Variants in IP6K1 observed in about 807,000 individuals in gnomAD.
IP6K1 encodes ATP:1D-myo-inositol-hexakisphosphate phosphotransferase.
In IP6K1, 13 loss-of-function variants were observed where a neutral mutation model predicts 38.3. The observed-to-expected ratio is 0.34, with a 90% confidence interval of 0.22 to 0.54. The LOEUF (loss-of-function observed/expected upper bound fraction) is 0.54. Ranked by LOEUF, IP6K1 falls within the 20% of genes least tolerant of loss-of-function variation. The pLI, the probability that IP6K1 is intolerant of heterozygous loss-of-function variation, is 0.92. For synonymous variants in IP6K1, 212 were observed against 229.9 expected (o/e 0.92, Z 0.70); for missense variants, 397 against 599.8 (o/e 0.66, Z 3.53).
At chr3:49,738,887 C>A (rs1246507859) in intron 2 of IP6K1, among the ~76,000 whole-genome samples, 1 of 152,198 alleles carries the variant, frequency 6.6e-6, no homozygotes, top group East Asian at 1.9e-4. Context: ...CCAAAAAAAT[C>A]TGTGTTCTGC....
intron 1 of IP6K1, among the ~76,000 whole-genome samples, chr3:49,779,403 T>C (rs2081046163): frequency 6.6e-6 from 1 of 152,232 alleles, no homozygotes; most frequent in African/African-American, 2.4e-5. Flanking sequence ...TTTTGGCTAT[T>C]ATGAATAATG....
intron 3 of IP6K1, among the ~76,000 whole-genome samples, chr3:49,737,321 T>C (rs974143097): frequency 1.3e-5 from 2 of 152,190 alleles, no homozygotes; most frequent in Admixed American, 1.3e-4. Flanking sequence ...GTCAACACTT[T>C]TATTGTCTGT....
At chr3:49,777,420 G>A (rs969675544) in intron 1 of IP6K1, among the ~76,000 whole-genome samples, 10 of 146,998 alleles carry the variant, frequency 6.8e-5, no homozygotes, top group African/African-American at 2.3e-4. Flanking sequence ...AAAATTAGCC[G>A]GGCGTGGTGG....
In IP6K1 at chr3:49,781,280, C is replaced by T. The variant is rs1222459244; in HGVS notation, c.-129+5074G>A. Among the ~76,000 whole-genome samples the T allele has an allele frequency of 2.0e-5, 3 of 152,178 alleles. No individual in the cohort carries two copies. The East Asian group carries it at 5.8e-4, about 29-fold the overall frequency. Reference sequence around the variant, plus strand: ...GTTTCACCATGTTGGCTAGGCTGGTCTCGAACTCCTGACCTCAGGTGATCC... The same window carrying T: ...GTTTCACCATGTTGGCTAGGCTGGTTTCGAACTCCTGACCTCAGGTGATCC... On this transcript the variant is annotated intron_variant, in intron 1 of 5. Coordinates refer to ENST00000321599, the MANE Select transcript of IP6K1 (RefSeq NM_153273.4).
intron 1 of IP6K1, among the ~76,000 whole-genome samples, chr3:49,777,667 C>A (rs1210871708): frequency 6.6e-6 from 1 of 152,156 alleles, no homozygotes; most frequent in Non-Finnish European, 1.5e-5. Context: ...GTAATCCCAG[C>A]ACTTTGGGAA....
intron 2 of IP6K1, among the ~76,000 whole-genome samples, chr3:49,744,832 T>C (rs943541479): frequency 6.6e-6 from 1 of 152,192 alleles, no homozygotes; most frequent in African/African-American, 2.4e-5. Flanking sequence ...ACACATCTAA[T>C]TGCTGCTATC....
chr3:49,773,980 AACACAC>A (rs10575617), intron 1 of IP6K1, among the ~76,000 whole-genome samples: 3,926 of 142,210 alleles, frequency 0.028, 114 homozygotes, highest in African/African-American at 0.071. Context: ...CTCTCTCTAA[AACACAC>A]ACACACACAC....
chr3:49,783,539 C>T (rs549365638), intron 1 of IP6K1, among the ~76,000 whole-genome samples: 8 of 151,720 alleles, frequency 5.3e-5, no homozygotes, highest in Non-Finnish European at 1.0e-4. Context: ...GGTGAAACCC[C>T]GTCTCTCCTA....
chr3:49,738,905 G>A (rs1299223846), intron 2 of IP6K1, among the ~76,000 whole-genome samples: 1 of 152,056 alleles, frequency 6.6e-6, no homozygotes, highest in Non-Finnish European at 1.5e-5. Flanking sequence ...TGCCCACACT[G>A]AGCATCAGGC....
chr3:49,754,596 G>T (rs1376183777), intron 1 of IP6K1, among the ~76,000 whole-genome samples: 1 of 151,578 alleles, frequency 6.6e-6, no homozygotes, highest in Non-Finnish European at 1.5e-5. Flanking sequence ...AATCATATGA[G>T]TTTTTTTTTG....
chr3:49,727,241 T>C lies in IP6K1; in HGVS notation c.1207A>G (p.Ser403Gly). ...TCATCCCGGAAGCCCTTGAATGTGC[T>C]GTGTGCAAAGTCAATCATGCGGACA... ...VDVRMIDFAH[S>G]TFKGFRDDPT... is the part of the protein sequence containing the mutation. Residue 403 changes from serine (S) to glycine (G), a missense_variant, in exon 6 of 6, where the codon AGC becomes GGC. By Grantham distance (56) the Ser-to-Gly change is moderately conservative. Coordinates refer to ENST00000321599, the MANE Select transcript of IP6K1 (RefSeq NM_153273.4). This position sits in a 1 kb window ranked among gnomAD's most constrained non-coding sequence, Gnocchi z 5.9. 1 of 1,614,142 alleles carries C rather than the reference T, an allele frequency of 6.2e-7. No homozygotes were observed. The highest frequency in any genetic ancestry group is 1.1e-5 in the South Asian group (1 of 91,080).
chr3:49,735,324 T>C (rs2080599634), intron 3 of IP6K1, among the ~76,000 whole-genome samples: 3 of 152,194 alleles, frequency 2.0e-5, no homozygotes, highest in South Asian at 2.1e-4. Flanking sequence ...ATGGTGCCAC[T>C]GCACTCTAGC....
chr3:49,757,552 T>A (rs1265731844), intron 1 of IP6K1, among the ~76,000 whole-genome samples: 2 of 151,868 alleles, frequency 1.3e-5, no homozygotes. Context: ...GGCAAAATAC[T>A]GTCTCTACAA....
At chr3:49,744,481 A>G (rs1239378125) in intron 2 of IP6K1, among the ~76,000 whole-genome samples, 4 of 151,374 alleles carry the variant, frequency 2.6e-5, no homozygotes, top group African/African-American at 9.7e-5. Context: ...TGTATTTATC[A>G]GTATAGACTT....
At chr3:49,768,418 A>C (rs1442369444) in intron 1 of IP6K1, among the ~76,000 whole-genome samples, 3 of 152,234 alleles carry the variant, frequency 2.0e-5, no homozygotes, top group African/African-American at 7.2e-5. Context: ...CATTTTGCTA[A>C]GTGAAATAAG....
intron 1 of IP6K1, among the ~76,000 whole-genome samples, chr3:49,781,830 T>A (rs2081068206): frequency 6.6e-6 from 1 of 151,882 alleles, no homozygotes; most frequent in Non-Finnish European, 1.5e-5. Context: ...ACATTCATAA[T>A]CCAGCACTTT....
rs901678360 is a variant in IP6K1, at chr3:49,759,681, AAACAAC to A, written c.-128-11519_-128-11514del. Among the ~76,000 whole-genome samples the A allele has an allele frequency of 7.2e-5, 11 of 152,232 alleles. 1 individual carries two copies. The highest frequency in any genetic ancestry group is 7.2e-4 in the Admixed American group (11 of 15,278). On this transcript the variant is annotated intron_variant, in intron 1 of 5. Transcript: ENST00000321599. ...ATTAGAGTCTTAGACTAGGTGGACA[AAACAAC>A]AACAACAACAACAAAAAACGACTTT...
At chr3:49,728,478 A>G (rs944778412) in intron 4 of IP6K1, 200 bp from the exon 5 acceptor site, 2 of 563,660 alleles carry the variant, frequency 3.5e-6, no homozygotes, top group Non-Finnish European at 6.3e-6. Context: ...AATTTACTTC[A>G]GCCATTTTTA....
chr3:49,749,640 C>T (rs2080754391), intron 1 of IP6K1, among the ~76,000 whole-genome samples: 1 of 152,082 alleles, frequency 6.6e-6, no homozygotes, highest in African/African-American at 2.4e-5. Context: ...TACTGCACTC[C>T]AGCCTGGGTG....
Sources: allele counts gnomAD v4.1 joint callset (sites outside exome capture counted in the v4.1 genomes callset), GRCh38; gene constraint gnomAD v4.1.1; non-coding constraint Gnocchi (gnomAD v3.1); transcripts MANE v1.5; gene names NCBI Gene and HGNC (gene_info 2026-07-23, HGNC 2026-07-21).